Variants in PTPRT observed in about 807,000 individuals in gnomAD.
PTPRT encodes the protein protein tyrosine phosphatase receptor type T.
A neutral mutation model predicts 176.8 loss-of-function variants in PTPRT; 56 were observed. That is an observed-to-expected ratio of 0.32 (90% CI 0.26 to 0.40). PTPRT has a LOEUF of 0.40. Among genes scored for constraint, PTPRT ranks in the 10% least tolerant of loss-of-function variants. PTPRT has a pLI of 1.00. For synonymous variants in PTPRT, 783 were observed against 739.0 expected, an observed-to-expected ratio of 1.06 and a Z score of -0.96; for missense variants, 1,540 against 1,908.2, an observed-to-expected ratio of 0.81 and a Z score of 3.60.
chr20:42,673,434 T>G (rs1311280363), intron 7 of PTPRT, among the ~76,000 whole-genome samples: 1 of 152,212 alleles, frequency 6.6e-6, no homozygotes, highest in Non-Finnish European at 1.5e-5. Context: ...GAATGTGCAT[T>G]TCTAACAAGT....
At chr20:42,218,568 A>T (rs2146776456) in intron 15 of PTPRT, among the ~76,000 whole-genome samples, 1 of 152,208 alleles carries the variant, frequency 6.6e-6, no homozygotes, top group African/African-American at 2.4e-5. Flanking sequence ...GCACTGTTGC[A>T]TGTATGTTTG....
intron 16 of PTPRT, among the ~76,000 whole-genome samples, chr20:42,172,629 G>A (rs1245921168): frequency 6.6e-6 from 1 of 152,170 alleles, no homozygotes; most frequent in East Asian, 1.9e-4. Context: ...TTTCCCCAAT[G>A]TTAACACTTG....
intron 1 of PTPRT, among the ~76,000 whole-genome samples, chr20:43,149,356 C>T (rs1816334627): frequency 6.6e-6 from 1 of 152,166 alleles, no homozygotes; most frequent in African/African-American, 2.4e-5. Context: ...ACTGCTTGCA[C>T]TAGGTTAATT....
At chr20:43,164,010 C>G (rs1190576439) in intron 1 of PTPRT, among the ~76,000 whole-genome samples, 3 of 152,138 alleles carry the variant, frequency 2.0e-5, no homozygotes, top group African/African-American at 7.2e-5. Context: ...GAAATTTTAC[C>G]TTTGGTATAT....
intron 3 of PTPRT, among the ~76,000 whole-genome samples, chr20:42,788,917 A>G (rs2077333129): frequency 6.6e-6 from 1 of 152,246 alleles, no homozygotes; most frequent in African/African-American, 2.4e-5. Context: ...TATGATCTGT[A>G]CTAATTTGAC....
chr20:42,826,370 T>C (rs1285987985), intron 2 of PTPRT, among the ~76,000 whole-genome samples: 1 of 152,228 alleles, frequency 6.6e-6, no homozygotes, highest in Non-Finnish European at 1.5e-5. Context: ...TATTTCCATA[T>C]AGTCAAACCT....
intron 1 of PTPRT, among the ~76,000 whole-genome samples, chr20:43,046,236 C>T (rs1986832571): frequency 6.6e-6 from 1 of 152,036 alleles, no homozygotes; most frequent in Non-Finnish European, 1.5e-5. Context: ...CTCAGGGACC[C>T]AGACTAATGC....
In PTPRT at chr20:42,727,859, C is replaced by G. The variant is rs369919367; in HGVS notation, c.859+28603G>C. On this transcript the variant is annotated intron_variant, in intron 6 of 30. Coordinates refer to ENST00000373187, the MANE Select transcript of PTPRT (RefSeq NM_007050.6). Reference sequence around the variant, plus strand: ...CTTGGTCAAATCAGACCCTCCTGATCTGGCTCTACTGGATTGTATCTCTCT... The same window carrying G: ...CTTGGTCAAATCAGACCCTCCTGATGTGGCTCTACTGGATTGTATCTCTCT... Among the ~76,000 whole-genome samples, 4 of 152,162 alleles carry G rather than the reference C, an allele frequency of 2.6e-5. No individual in the cohort carries two copies. In the East Asian group the frequency reaches 5.8e-4, roughly 22 times the overall value.
chr20:42,446,593 T>C (rs1257384178), intron 9 of PTPRT, among the ~76,000 whole-genome samples: 1 of 146,548 alleles, frequency 6.8e-6, no homozygotes, highest in Admixed American at 6.8e-5. Context: ...TGTGTGTGTG[T>C]GTGTGTGTGT....
At chr20:42,137,103 A>G (rs563449291) in intron 18 of PTPRT, among the ~76,000 whole-genome samples, 1 of 152,336 alleles carries the variant, frequency 6.6e-6, no homozygotes, top group Non-Finnish European at 1.5e-5. Context: ...GGCAATTTGA[A>G]TTAGCACTAG....
chr20:42,433,799 C>T (rs760198583), intron 9 of PTPRT, among the ~76,000 whole-genome samples: 10 of 152,138 alleles, frequency 6.6e-5, no homozygotes, highest in Non-Finnish European at 1.0e-4. Flanking sequence ...ATCAATGGAA[C>T]GCATGTGAAT....
chr20:42,329,259 C>T (rs2145428230), intron 11 of PTPRT, among the ~76,000 whole-genome samples: 1 of 152,074 alleles, frequency 6.6e-6, no homozygotes, highest in African/African-American at 2.4e-5. Context: ...TAGACCAATT[C>T]CATTGGGGAT....
intron 1 of PTPRT, among the ~76,000 whole-genome samples, chr20:42,924,421 A>G (rs528875439): frequency 1.3e-5 from 2 of 152,310 alleles, no homozygotes; most frequent in Admixed American, 1.3e-4. Context: ...TGAGGCCAGC[A>G]TTCACCAGCA....
chr20:42,767,850 A>G (rs148720702), intron 5 of PTPRT, among the ~76,000 whole-genome samples: 1,761 of 146,728 alleles, frequency 0.012, 48 homozygotes, highest in African/African-American at 0.041. Context: ...ACATATAATA[A>G]CATAATTTGT....
intron 2 of PTPRT, among the ~76,000 whole-genome samples, chr20:42,852,567 G>A (rs1329926459): frequency 1.3e-5 from 2 of 151,868 alleles, no homozygotes; most frequent in Non-Finnish European, 2.9e-5. Flanking sequence ...AATCACACTT[G>A]TTCAGAGGGC....
At chr20:43,133,516 C>A (rs890302253) in intron 1 of PTPRT, among the ~76,000 whole-genome samples, 6 of 152,026 alleles carry the variant, frequency 3.9e-5, no homozygotes, top group Admixed American at 1.3e-4. Context: ...GAGGCCGAGG[C>A]AGGCGGATCA....
intron 6 of PTPRT, among the ~76,000 whole-genome samples, chr20:42,751,681 G>C (rs112573745): frequency 3.3e-5 from 5 of 152,082 alleles, no homozygotes; most frequent in Non-Finnish European, 7.3e-5. Flanking sequence ...TCCTGCCTTC[G>C]TCTTCCTCCT....
At chr20:42,254,715 C>T (rs1221176462) in intron 13 of PTPRT, among the ~76,000 whole-genome samples, 1 of 152,146 alleles carries the variant, frequency 6.6e-6, no homozygotes, top group Non-Finnish European at 1.5e-5. Context: ...TTCAATGCGG[C>T]ATCATGTTAG....
chr20:42,665,811 A>G (rs3092403), intron 7 of PTPRT, among the ~76,000 whole-genome samples: 74,035 of 151,706 alleles, frequency 0.49, 20,513 homozygotes, highest in African/African-American at 0.77. Context: ...GATGAAGCTG[A>G]AAATCATCAT....
Sources: allele counts gnomAD v4.1 joint callset (sites outside exome capture counted in the v4.1 genomes callset), GRCh38; gene constraint gnomAD v4.1.1; transcripts MANE v1.5; gene names NCBI Gene and HGNC (gene_info 2026-07-23, HGNC 2026-07-21).